DDX18: variants seen among roughly 807,000 people sequenced by gnomAD.
DDX18 encodes ATP-dependent RNA helicase DDX18.
In DDX18, 23 loss-of-function variants were observed where a neutral mutation model predicts 73.5. That is an observed-to-expected ratio of 0.31 (90% CI 0.23 to 0.44). The LOEUF is 0.44. Among genes scored for constraint, DDX18 ranks in the 20% least tolerant of loss-of-function variants. The pLI, the probability that DDX18 is intolerant of heterozygous loss-of-function variation, is 1.00. For synonymous variants in DDX18, 268 were observed against 282.7 expected (o/e 0.95, Z 0.52); for missense variants, 753 against 792.9 (o/e 0.95, Z 0.60).
chr2:117,828,967 G>A lies in DDX18; in HGVS notation c.1654G>A (p.Asp552Asn). 1 of 1,611,920 alleles carries A rather than the reference G, an allele frequency of 6.2e-7. No homozygotes were observed. Among genetic ancestry groups the A allele is most frequent in the Non-Finnish European group, 8.5e-7 (1 of 1,178,252 alleles). The change falls in exon 12 of 14, where the codon GAC (aspartate) becomes AAC (asparagine). Residue 552 changes from aspartate (D) to asparagine (N), a missense_variant. Physicochemically the swap from Asp to Asn is conservative, Grantham distance 23 (BLOSUM62 1). Transcript: ENST00000263239. ...KQSKVPLSEF[D>N]FSWSKISDIQ... ...TTTCTAGGTTCCATTAAGTGAATTT[G>A]ACTTTTCCTGGTCTAAAATTTCTGA...
intron 7 of DDX18, 137 bp downstream of exon 7, chr2:117,822,398 GT>G: frequency 1.6e-6 from 1 of 641,588 alleles, no homozygotes; most frequent in Non-Finnish European, 2.7e-6. Context: ...AACCCGAAAG[GT>G]AATTTGGAAT....
At position 117,824,622 on chromosome 2, in the gene DDX18, C is replaced by T. The variant is rs774437819; in HGVS notation, c.1120C>T (p.Leu374=). Residue 374 remains leucine, a synonymous_variant, in exon 8 of 14, where the codon CTG becomes TTG. Transcript: ENST00000263239. ...CACCCAAACTCGAAAAGTTGAAGAC[C>T]TGGCAAGGATTTCTCTGAAAAAGGA... The part of the protein sequence containing the change: ...SATQTRKVED[L]ARISLKKEPL... The T allele has an allele frequency of 6.7e-7, 1 of 1,501,236 alleles. No homozygotes were observed. The highest frequency in any genetic ancestry group is 8.9e-7 in the Non-Finnish European group (1 of 1,127,918). The allele number at this position is 1,501,236 out of a possible 1,614,324, so 93.0% of individuals were successfully genotyped here.
At chr2:117,822,999 A>G (rs895164543) in intron 7 of DDX18, among the ~76,000 whole-genome samples, 1 of 152,166 alleles carries the variant, frequency 6.6e-6, no homozygotes, top group Non-Finnish European at 1.5e-5. Flanking sequence ...TGTTTAGTGT[A>G]TGTTTAACTT....
Position 117,817,473 on chromosome 2 carries a change from C to G in DDX18, c.115C>G (p.Gln39Glu). 1 of 1,610,810 alleles carries G rather than the reference C, an allele frequency of 6.2e-7. No homozygotes were observed. Among genetic ancestry groups the G allele is most frequent in the Non-Finnish European group, 8.5e-7 (1 of 1,179,424 alleles). ...GASNLTLSET[Q>E]NGDVSEETMG... The stretch of plus-strand genomic sequence containing the variant: ...CTCAAATCTGACCCTATCGGAAACT[C>G]AAAATGGAGATGTATCTGAAGAAAC... Residue 39 changes from glutamine (Q) to glutamate (E), a missense_variant, in exon 2 of 14, where the codon CAA becomes GAA. Gln to Glu is a conservative substitution (Grantham distance 29). Coordinates refer to ENST00000263239, the MANE Select transcript of DDX18 (RefSeq NM_006773.4).
chr2:117,819,518 C>T, intron 2 of DDX18, 131 bp from the exon 3 acceptor site: 1 of 878,626 alleles, frequency 1.1e-6, no homozygotes, highest in Non-Finnish European at 1.6e-6. Flanking sequence ...GAATTCTTAA[C>T]AAATTAATAC....
At chr2:117,825,240 G>A (rs1416317126) in intron 9 of DDX18, 139 bp downstream of exon 9, 11 of 1,274,124 alleles carry the variant, frequency 8.6e-6, no homozygotes, top group Non-Finnish European at 1.2e-5. Flanking sequence ...TCCTGTGTGG[G>A]GGAGCGCTGC....
At chr2:117,826,112 G>C in intron 10 of DDX18, 157 bp from the exon 11 acceptor site, 1 of 414,416 alleles carries the variant, frequency 2.4e-6, no homozygotes. Context: ...AGCGATTGCT[G>C]GCCCAGCTTT....
chr2:117,828,727 C>G, intron 11 of DDX18: 1 of 529,286 alleles, frequency 1.9e-6, no homozygotes, highest in Non-Finnish European at 3.4e-6. Context: ...GACTGTGTCC[C>G]TATCCAGTTC....
chr2:117,830,454 C>A, intron 13 of DDX18, 128 bp from the exon 14 acceptor site: 1 of 1,166,214 alleles, frequency 8.6e-7, no homozygotes, highest in South Asian at 1.7e-5. Flanking sequence ...CTTATGTTCC[C>A]ACATTTTCAT....
At chr2:117,823,736 G>A (rs900317431) in intron 7 of DDX18, among the ~76,000 whole-genome samples, 3 of 152,120 alleles carry the variant, frequency 2.0e-5, no homozygotes, top group Non-Finnish European at 4.4e-5. Flanking sequence ...TCTGATCTTA[G>A]GGGAAAGCAT....
chr2:117,823,293 A>G (rs1679874919), intron 7 of DDX18, among the ~76,000 whole-genome samples: 1 of 152,120 alleles, frequency 6.6e-6, no homozygotes, highest in Non-Finnish European at 1.5e-5. Context: ...GAGTCATGTA[A>G]CCCATAATAA....
chr2:117,819,550 A>C, intron 2 of DDX18, 99 bp from the exon 3 acceptor site: 1 of 1,150,302 alleles, frequency 8.7e-7, no homozygotes, highest in Non-Finnish European at 1.2e-6. Flanking sequence ...AGCTTTTGAA[A>C]ATATACGTCT....
chr2:117,823,558 A>G (rs948191540), intron 7 of DDX18, among the ~76,000 whole-genome samples: 2 of 152,188 alleles, frequency 1.3e-5, no homozygotes, highest in Non-Finnish European at 2.9e-5. Flanking sequence ...ATTCAGTATG[A>G]CTTTCCAGAT....
chr2:117,828,841 C>T, intron 11 of DDX18, 108 bp from the exon 12 acceptor site: 1 of 759,304 alleles, frequency 1.3e-6, no homozygotes, highest in Non-Finnish European at 2.2e-6. Flanking sequence ...ATTTTCCTTT[C>T]TGTCCTGAGG....
At chr2:117,828,914 C>G (rs746888352) in intron 11 of DDX18, 35 bp from the exon 12 acceptor site, 2 of 1,451,272 alleles carry the variant, frequency 1.4e-6, no homozygotes, top group Non-Finnish European at 1.9e-6. Context: ...TGCTGATCAT[C>G]CTGGTTTACT....
chr2:117,830,513 TTC>T, intron 13 of DDX18, 67 bp from the exon 14 acceptor site: 6 of 1,547,972 alleles, frequency 3.9e-6, no homozygotes, highest in Non-Finnish European at 5.2e-6. Flanking sequence ...GCCGGTTTTT[TTC>T]TCTGTGTAGA....
chr2:117,824,361 A>G (rs915266369), intron 7 of DDX18: 4 of 401,718 alleles, frequency 1.0e-5, no homozygotes, highest in East Asian at 3.8e-5. Flanking sequence ...TTTGTCTTCA[A>G]AGGAGTTTGT....
At chr2:117,817,380 T>C in intron 1 of DDX18, 64 bp from the exon 2 acceptor site, 1 of 1,446,630 alleles carries the variant, frequency 6.9e-7, no homozygotes, top group Non-Finnish European at 9.2e-7. Flanking sequence ...TCATTTGGGA[T>C]TTCAGTGTTT....
At chr2:117,823,486 C>A (rs1298358787) in intron 7 of DDX18, among the ~76,000 whole-genome samples, 1 of 152,148 alleles carries the variant, frequency 6.6e-6, no homozygotes, top group Non-Finnish European at 1.5e-5. Context: ...TATATGCACA[C>A]ACAGTTGAAT....
Sources: gnomAD v4.1 joint callset for allele counts (sites outside exome capture counted in the v4.1 genomes callset) on GRCh38, gnomAD v4.1.1 for gene constraint, MANE v1.5 for transcripts, NCBI Gene and HGNC (gene_info 2026-07-23, HGNC 2026-07-21) for gene names.